The following WDR93 variants were observed in gnomAD, a reference collection of about 807,000 sequenced individuals.
WDR93 encodes WD repeat-containing protein 93.
Under a neutral mutation model 82.9 loss-of-function variants are expected in WDR93, and 73 were observed. The observed-to-expected ratio is 0.88, with a 90% CI of 0.73 to 1.07. WDR93 has a LOEUF of 1.07. Ranked by LOEUF, WDR93 falls within the 50% of genes least tolerant of loss-of-function variation. The pLI is 0.00. For missense variants in WDR93, 738 were observed against 826.0 expected (o/e 0.89, Z 1.31); for synonymous variants, 283 against 300.1 (o/e 0.94, Z 0.59).
intron 5 of WDR93, among the ~76,000 whole-genome samples, chr15:89,713,124 T>TAAA (rs77944900): frequency 2.0e-5 from 2 of 97,722 alleles, no homozygotes; most frequent in African/African-American, 3.8e-5. Flanking sequence ...AACTCCATCT[T>TAAA]AAAAAAAAAA....
chr15:89,724,040 A>G (rs1966631566), intron 8 of WDR93, among the ~76,000 whole-genome samples: 2 of 152,160 alleles, frequency 1.3e-5, no homozygotes, highest in African/African-American at 4.8e-5. Context: ...TGTACTAGAA[A>G]TACCAAAAAA....
chr15:89,726,360 ACT>A (rs768390964), intron 8 of WDR93, among the ~76,000 whole-genome samples: 21 of 151,998 alleles, frequency 1.4e-4, no homozygotes, highest in Non-Finnish European at 2.6e-4. Context: ...TTCCCAGGTG[ACT>A]CTGCCACTGC....
At chr15:89,697,600 T>C (rs1325391769) in intron 1 of WDR93, among the ~76,000 whole-genome samples, 1 of 152,218 alleles carries the variant, frequency 6.6e-6, no homozygotes, top group Non-Finnish European at 1.5e-5. Context: ...TAAAAATAAT[T>C]TGCAATCTGC....
Position 89,715,082 on chromosome 15 carries a change from G to C in WDR93, c.743G>C (p.Arg248Thr), listed in dbSNP as rs1185045323. The change falls in exon 6 of 17, where the codon AGA (arginine) becomes ACA (threonine). Residue 248 changes from arginine to threonine, a missense_variant. Arg to Thr is a moderately conservative substitution (Grantham distance 71). Coordinates refer to ENST00000268130, the MANE Select transcript of WDR93 (RefSeq NM_020212.2). ...ACTTCAAATCCAAAGAAAAAAGTCAGACAGCCGCAACTGGTAGGAAATATC... is the reference window on the plus strand; with the variant it reads ...ACTTCAAATCCAAAGAAAAAAGTCACACAGCCGCAACTGGTAGGAAATATC... ...QLTSNPKKKV[R>T]QPQLNSLGPI... 1 of 1,613,734 alleles carries C rather than the reference G, an allele frequency of 6.2e-7. No homozygotes were observed. The highest frequency in any genetic ancestry group is 2.2e-5 in the East Asian group (1 of 44,872).
At chr15:89,731,384 G>T in intron 11 of WDR93, 59 bp from the exon 12 acceptor site, 4 of 1,601,900 alleles carry the variant, frequency 2.5e-6, no homozygotes, top group East Asian at 2.2e-5. Flanking sequence ...TGTCCAGGTA[G>T]AAGTGATGGG....
intron 4 of WDR93, among the ~76,000 whole-genome samples, chr15:89,710,345 C>A (rs1211873855): frequency 2.6e-5 from 4 of 152,098 alleles, no homozygotes; most frequent in Non-Finnish European, 5.9e-5. Context: ...AGAGTAGGTT[C>A]TAATTATGAA....
chr15:89,707,972 A>G (rs975744677), intron 4 of WDR93, among the ~76,000 whole-genome samples: 1 of 152,264 alleles, frequency 6.6e-6, no homozygotes, highest in African/African-American at 2.4e-5. Flanking sequence ...AAAGGAGTGA[A>G]CTATTAATGC....
chr15:89,721,518 C>T (rs1966524365), intron 7 of WDR93: 1 of 153,622 alleles, frequency 6.5e-6, no homozygotes, highest in Non-Finnish European at 1.4e-5. Context: ...TGTTCCACTA[C>T]ACTGCAGCCT....
At chr15:89,702,569 C>T (rs1450213809) in intron 2 of WDR93, among the ~76,000 whole-genome samples, 4 of 151,182 alleles carry the variant, frequency 2.6e-5, no homozygotes, top group African/African-American at 7.3e-5. Flanking sequence ...GATAGAGTTT[C>T]GCTCTTGTTG....
rs7178581 is a variant in WDR93 at position 89,737,079 on chromosome 15, T to C, written c.1609-494T>C. On this transcript the variant is annotated intron_variant, in intron 14 of 16. Coordinates refer to ENST00000268130, the MANE Select transcript of WDR93 (RefSeq NM_020212.2). ...GTGCTGGGATTACAGGCATGAGCCA[T>C]CGCGCCCGGCCAAAGGGGACTTTCT... Among the ~76,000 whole-genome samples, 1,333 of 152,234 alleles carry C rather than the reference T, an allele frequency of 8.8e-3. 26 individuals are homozygous for C. Among genetic ancestry groups the C allele is most frequent in the East Asian group, 0.059 (305 of 5,160 alleles).
chr15:89,726,736 T>G (rs1468349955), intron 8 of WDR93, among the ~76,000 whole-genome samples: 1 of 152,144 alleles, frequency 6.6e-6, no homozygotes, highest in Non-Finnish European at 1.5e-5. Context: ...GACTGCCTAA[T>G]TATGTGAGTG....
At chr15:89,706,980 T>C (rs1965753258) in intron 4 of WDR93, among the ~76,000 whole-genome samples, 2 of 152,164 alleles carry the variant, frequency 1.3e-5, no homozygotes, top group South Asian at 4.1e-4. Flanking sequence ...GTAAAAGATA[T>C]TGTTAATGGA....
intron 16 of WDR93, 52 bp from the exon 17 acceptor site, chr15:89,743,240 G>A: frequency 1.9e-6 from 3 of 1,595,522 alleles, no homozygotes; most frequent in Non-Finnish European, 2.6e-6. Context: ...GGGGGCTCGG[G>A]AGCTGGGGAA....
intron 10 of WDR93, 144 bp downstream of exon 10, chr15:89,729,237 T>C (rs1041649054): frequency 2.3e-5 from 17 of 748,162 alleles, no homozygotes; most frequent in Non-Finnish European, 6.9e-6. Context: ...AGCTGTAGCC[T>C]GTCAGTTTCT....
At chr15:89,730,223 T>G (rs1251508355) in intron 11 of WDR93, among the ~76,000 whole-genome samples, 1 of 149,936 alleles carries the variant, frequency 6.7e-6, no homozygotes, top group Non-Finnish European at 1.5e-5. Flanking sequence ...TACTTGGGAG[T>G]CTGAGGCAGG....
intron 8 of WDR93, among the ~76,000 whole-genome samples, chr15:89,725,548 T>A (rs1167624878): frequency 1.3e-5 from 2 of 148,680 alleles, no homozygotes; most frequent in South Asian, 4.3e-4. Flanking sequence ...TTCTATTTCT[T>A]TTTTTTTTTC....
intron 12 of WDR93, among the ~76,000 whole-genome samples, chr15:89,732,205 T>C (rs1331101883): frequency 3.3e-5 from 5 of 152,216 alleles, no homozygotes; most frequent in Non-Finnish European, 7.4e-5. Context: ...CATTTTGCAG[T>C]TGGAGATGTA....
At position 89,727,305 on chromosome 15, in the gene WDR93, G is replaced by A. The variant is rs766425161; in HGVS notation, c.1029G>A (p.Arg343=). 6.2e-7 allele frequency: 1 copy of A among 1,614,000 alleles called. No individual in the cohort carries two copies. The highest frequency in any genetic ancestry group is 8.5e-7 in the Non-Finnish European group (1 of 1,180,000). Residue 343 remains arginine, a synonymous_variant, in exon 9 of 17, where the codon AGG becomes AGA. Transcript: ENST00000268130. ...CTTCCTACAAGAAGTACCTAGATAGGGAGTGGGAGGAAGAGCCACTCAGGT... is the reference window on the plus strand; with the variant it reads ...CTTCCTACAAGAAGTACCTAGATAGAGAGTGGGAGGAAGAGCCACTCAGGT... ...FNASYKKYLD[R]EWEEEPLSTA...
At chr15:89,710,281 C>T (rs1338203439) in intron 4 of WDR93, among the ~76,000 whole-genome samples, 3 of 152,272 alleles carry the variant, frequency 2.0e-5, no homozygotes, top group African/African-American at 7.2e-5. Flanking sequence ...ATGATTACAA[C>T]GCAGCAGATG....
Sources: gnomAD v4.1 joint callset for allele counts (sites outside exome capture counted in the v4.1 genomes callset) on GRCh38, gnomAD v4.1.1 for gene constraint, MANE v1.5 for transcripts, NCBI Gene and HGNC (gene_info 2026-07-23, HGNC 2026-07-21) for gene names.